HTT: variants seen among roughly 807,000 people sequenced by gnomAD.
HTT encodes huntington disease protein.
A neutral mutation model predicts 362.3 loss-of-function variants in HTT; 104 were observed. The observed-to-expected ratio is 0.29, with a 90% CI of 0.24 to 0.34. HTT has a LOEUF of 0.34. HTT is among the 10% of genes least tolerant of loss of function. HTT has a pLI of 1.00. For synonymous variants in HTT, 1,577 were observed against 1,548.7 expected (o/e 1.02, Z -0.43); for missense variants, 3,301 against 3,928.6 (o/e 0.84, Z 4.27).
At chr4:3,225,185 T>A (rs998053140) in intron 56 of HTT, among the ~76,000 whole-genome samples, 1 of 151,976 alleles carries the variant, frequency 6.6e-6, no homozygotes, top group African/African-American at 2.4e-5. Context: ...GTGGGGGCAT[T>A]ATCCTGCTCC....
chr4:3,111,910 G>T (rs180909362), intron 6 of HTT, among the ~76,000 whole-genome samples: 2 of 152,104 alleles, frequency 1.3e-5, no homozygotes, highest in Non-Finnish European at 2.9e-5. Context: ...TCTTCTTGGC[G>T]TCTGTGGCTT....
At chr4:3,132,503 T>A in intron 16 of HTT, 59 bp from the exon 17 acceptor site, 1 of 1,440,998 alleles carries the variant, frequency 6.9e-7, no homozygotes, top group Admixed American at 1.9e-5. Context: ...AGCTTTTGTT[T>A]CGAGTTAGAA....
At chr4:3,193,870 C>T (rs1054662235) in intron 40 of HTT, among the ~76,000 whole-genome samples, 1 of 152,122 alleles carries the variant, frequency 6.6e-6, no homozygotes, top group Non-Finnish European at 1.5e-5. Flanking sequence ...GGAGAGGGCA[C>T]GTGGGTTTCC....
chr4:3,135,189 T>C (rs1716000375), intron 19 of HTT, among the ~76,000 whole-genome samples: 1 of 152,124 alleles, frequency 6.6e-6, no homozygotes, highest in African/African-American at 2.4e-5. Context: ...AAGAATATAC[T>C]CTTCATTATA....
chr4:3,131,545 G>T, intron 15 of HTT, 93 bp from the exon 16 acceptor site: 1 of 1,551,394 alleles, frequency 6.4e-7, no homozygotes, highest in Non-Finnish European at 8.9e-7. Context: ...GGGAGGAAAT[G>T]ATGGGAGCAG....
intron 9 of HTT, chr4:3,121,695 A>C (rs867621142): frequency 4.3e-4 from 67 of 154,820 alleles, no homozygotes; most frequent in Middle Eastern, 3.0e-3. Context: ...CTGTCTCTAC[A>C]AAAAAAAAAA....
At chr4:3,159,526 C>T (rs1220496443) in intron 28 of HTT, among the ~76,000 whole-genome samples, 1 of 152,220 alleles carries the variant, frequency 6.6e-6, no homozygotes, top group Non-Finnish European at 1.5e-5. Context: ...GGCCTTAGGG[C>T]ACACCCAGGT....
At chr4:3,136,067 A>G (rs1716051319) in intron 20 of HTT, 100 bp downstream of exon 20, 1 of 961,790 alleles carries the variant, frequency 1.0e-6, no homozygotes, top group East Asian at 2.5e-5. Context: ...CATGTTTTAG[A>G]TGTTTATTTC....
chr4:3,076,279 G>C (rs28571971), intron 1 of HTT, among the ~76,000 whole-genome samples: 12,436 of 152,106 alleles, frequency 0.082, 1,022 homozygotes, highest in African/African-American at 0.21. Flanking sequence ...AAGTACTCTG[G>C]TGCAGTTCAG....
In HTT at chr4:3,226,559, C is replaced by T. The variant is rs534087864; in HGVS notation, c.7848+816C>T. ...CTACAGGTGTATGCTGGGCGGGGCC[C>T]GGCTGTGCTGGCCGACTTGCACCTT... On this transcript the variant is annotated intron_variant, in intron 57 of 66. Transcript: ENST00000355072. Among the ~76,000 whole-genome samples, 14 of 152,312 alleles carry T rather than the reference C, an allele frequency of 9.2e-5. 1 individual carries two copies. The highest frequency in any genetic ancestry group is 6.8e-3 in the Middle Eastern group (2 of 294).
chr4:3,181,853 G>T (rs926473505), intron 36 of HTT, among the ~76,000 whole-genome samples: 2 of 152,144 alleles, frequency 1.3e-5, no homozygotes, highest in African/African-American at 4.8e-5. Flanking sequence ...GGATATGTCT[G>T]TTTAGAAATG....
chr4:3,204,790 A>G (rs778620870), intron 42 of HTT, among the ~76,000 whole-genome samples: 1 of 152,172 alleles, frequency 6.6e-6, no homozygotes, highest in Non-Finnish European at 1.5e-5. Context: ...AACACAGAGA[A>G]ACCCTGCCTC....
At position 3,178,422 on chromosome 4, in the gene HTT, A is replaced by G; in HGVS notation, c.4588A>G (p.Ser1530Gly). 6.2e-7 allele frequency: 1 copy of G among 1,613,862 alleles called. No homozygotes were observed. The highest frequency in any genetic ancestry group is 8.5e-7 in the Non-Finnish European group (1 of 1,179,848). Residue 1530 changes from serine to glycine, a missense_variant, in exon 35 of 67, where the codon AGT becomes GGT. Physicochemically the swap from Ser to Gly is moderately conservative, Grantham distance 56 (BLOSUM62 0). Coordinates refer to ENST00000355072, the MANE Select transcript of HTT (RefSeq NM_001388492.1). ...TCAGCTCTGTGATGGCATCATGGCC[A>G]GTGGAAGGAAGGCTGTGACACATGG... ...IIQLCDGIMA[S>G]GRKAVTHAIP...
chr4:3,115,149 A>G (rs1382578103), intron 6 of HTT, among the ~76,000 whole-genome samples, 155 bp from the exon 7 acceptor site: 1 of 152,172 alleles, frequency 6.6e-6, no homozygotes, highest in African/African-American at 2.4e-5. Flanking sequence ...GAGTGTCCCA[A>G]ATTTGGGGTA....
chr4:3,087,330 T>G (rs1012076785), intron 2 of HTT, among the ~76,000 whole-genome samples: 1 of 152,260 alleles, frequency 6.6e-6, no homozygotes, highest in African/African-American at 2.4e-5. Context: ...GGTTTGATAT[T>G]TTTGCATTTG....
chr4:3,129,608 T>G, intron 12 of HTT: 2 of 239,136 alleles, frequency 8.4e-6, no homozygotes, highest in Non-Finnish European at 1.6e-5. Flanking sequence ...TCCAACTTGC[T>G]GTAAAATTTG....
rs758649908 is a variant in HTT, at chr4:3,235,203, C to T, written c.8457-81C>T. The T allele has an allele frequency of 1.7e-4, 177 of 1,019,832 alleles. 1 individual carries two copies. Among genetic ancestry groups the T allele is most frequent in the Admixed American group, 4.0e-4 (23 of 57,476 alleles). The allele number at this position is 1,019,832 out of a possible 1,614,324, so 63.2% of individuals were successfully genotyped here. ...CGCCTGGCCCATAGCTCTACACTCCCGCGTGGGGCCGGACATGCTGTGAAG... is the reference window on the plus strand; with the variant it reads ...CGCCTGGCCCATAGCTCTACACTCCTGCGTGGGGCCGGACATGCTGTGAAG... On this transcript the variant is annotated intron_variant, in intron 61 of 66. Coordinates refer to ENST00000355072, the MANE Select transcript of HTT (RefSeq NM_001388492.1).
rs527774263 is a variant in HTT at position 3,242,089 on chromosome 4, A to G, written c.*2030A>G. ...TCCCGCCTCCCCCGCAGGTTATGTC[A>G]GCAGCTCTGAGACAGCAGTATCACA... On this transcript the variant is annotated 3_prime_UTR_variant, in exon 67 of 67. Coordinates refer to ENST00000355072, the MANE Select transcript of HTT (RefSeq NM_001388492.1). 2.5e-4 allele frequency: 38 copies of G among 152,338 alleles called. No homozygotes were observed. Among genetic ancestry groups the G allele is most frequent in the African/African-American group, 9.2e-4 (38 of 41,526 alleles). 9.4% of individuals were successfully genotyped at this position (152,338 alleles called of 1,614,324 possible). A position where few individuals can be genotyped will look rare whatever the true frequency, so the allele number is the denominator to read the frequency against.
chr4:3,125,598 G>A lies in HTT; in HGVS notation c.1371G>A (p.Ser457=), dbSNP rs372601536. The change falls in exon 11 of 67, where the codon TCG becomes TCA. Residue 457 remains serine, a synonymous_variant. Transcript: ENST00000355072. The part of the protein sequence containing the change: ...EEEALEDDSE[S]RSDVSSSALT... ...AAGCCTTGGAGGATGACTCTGAATC[G>A]AGATCGGATGTCAGCAGCTCTGCCT... The A allele has an allele frequency of 8.1e-6, 13 of 1,613,638 alleles. No homozygotes were observed. Among genetic ancestry groups the A allele is most frequent in the East Asian group, 4.5e-5 (2 of 44,898 alleles).
Sources: gnomAD v4.1 joint callset for allele counts (sites outside exome capture counted in the v4.1 genomes callset) on GRCh38, gnomAD v4.1.1 for gene constraint, MANE v1.5 for transcripts, NCBI Gene and HGNC (gene_info 2026-07-23, HGNC 2026-07-21) for gene names.